The following ACSL3 variants were observed in gnomAD, a reference collection of about 807,000 sequenced individuals.
The protein encoded by ACSL3 is acyl-CoA synthetase long chain family member 3.
ACSL3 carries 34 observed loss-of-function variants against 84.7 expected under a neutral mutation model. The observed-to-expected ratio is 0.40, with a 90% CI of 0.31 to 0.53. The LOEUF is 0.53. ACSL3 is among the 20% of genes least tolerant of loss of function. ACSL3 has a pLI of 0.48. For synonymous variants in ACSL3, 315 were observed against 299.4 expected (o/e 1.05, Z -0.54); for missense variants, 680 against 873.1 (o/e 0.78, Z 2.79).
intron 1 of ACSL3, among the ~76,000 whole-genome samples, chr2:222,871,290 G>A (rs1695296866): frequency 6.6e-6 from 1 of 152,142 alleles, no homozygotes; most frequent in African/African-American, 2.4e-5. Context: ...GGAGAATTCA[G>A]TTAAAAAAAT....
intron 8 of ACSL3, among the ~76,000 whole-genome samples, chr2:222,922,114 G>T (rs1012306531): frequency 2.0e-5 from 3 of 152,110 alleles, no homozygotes; most frequent in African/African-American, 7.2e-5. Flanking sequence ...TTACAGGTTT[G>T]CCTCAGTTAC....
At chr2:222,871,064 C>A (rs576116279) in intron 1 of ACSL3, among the ~76,000 whole-genome samples, 1 of 152,032 alleles carries the variant, frequency 6.6e-6, no homozygotes, top group African/African-American at 2.4e-5. Context: ...AGGACCTGAA[C>A]TGATAAAGTA....
rs1697124637 is a variant in ACSL3 at position 222,934,601 on chromosome 2, G to A, written c.1919G>A (p.Gly640Glu). 1 of 1,606,710 alleles carries A rather than the reference G, an allele frequency of 6.2e-7. No homozygotes were observed. ...CTAACTGAACTAGCTCGAAAGAAAG[G>A]ACTTAAAGGGACTTGGGAGGAGCTG... ...KELTELARKK[G>E]LKGTWEELCN... is the part of the protein sequence containing the mutation. The change falls in exon 16 of 17, where the codon GGA becomes GAA. Residue 640 changes from glycine to glutamate, a missense_variant. Around this residue, in one of 2 missense-constraint regions of ACSL3, gnomAD observed 347 missense variants for 525.7 expected, o/e 0.66. Transcript: ENST00000357430.
intron 4 of ACSL3, among the ~76,000 whole-genome samples, chr2:222,913,053 G>C (rs1235732621): frequency 6.6e-6 from 1 of 152,106 alleles, no homozygotes; most frequent in Admixed American, 6.5e-5. Context: ...AATAGAAACA[G>C]AAAAGAGTAC....
At chr2:222,907,435 A>G (rs1696321644) in intron 3 of ACSL3, among the ~76,000 whole-genome samples, 1 of 152,148 alleles carries the variant, frequency 6.6e-6, no homozygotes, top group African/African-American at 2.4e-5. Flanking sequence ...GGGTAGGGTT[A>G]ACTAGTTACT....
intron 12 of ACSL3, among the ~76,000 whole-genome samples, chr2:222,928,290 A>G (rs1696934802): frequency 6.6e-6 from 1 of 152,232 alleles, no homozygotes; most frequent in South Asian, 2.1e-4. Context: ...GGAAGCCTGC[A>G]GAGATCTCAC....
intron 4 of ACSL3, among the ~76,000 whole-genome samples, chr2:222,912,638 ATGAACTT>A (rs1217494678): frequency 1.3e-5 from 2 of 152,200 alleles, no homozygotes; most frequent in Non-Finnish European, 2.9e-5. Context: ...TTTCAAATTA[ATGAACTT>A]TGAAGCTTTG....
At chr2:222,918,859 G>GA (rs1441360904) in intron 6 of ACSL3, among the ~76,000 whole-genome samples, 1 of 151,820 alleles carries the variant, frequency 6.6e-6, no homozygotes, top group East Asian at 1.9e-4. Flanking sequence ...TACACACAGT[G>GA]AATCTAATGC....
intron 2 of ACSL3, among the ~76,000 whole-genome samples, chr2:222,896,882 A>C (rs1362186233): frequency 1.1e-4 from 1 of 9,462 alleles, no homozygotes. Flanking sequence ...GGGGGCCGAC[A>C]TCCCCACCTC....
At chr2:222,920,886 A>G (rs1424100024) in intron 7 of ACSL3, 16 of 441,000 alleles carry the variant, frequency 3.6e-5, no homozygotes, top group South Asian at 1.7e-4. Context: ...GGGTCTTTGC[A>G]TTTGCTTATT....
At chr2:222,935,407 T>G (rs1235785413) in intron 16 of ACSL3, among the ~76,000 whole-genome samples, 4 of 152,134 alleles carry the variant, frequency 2.6e-5, no homozygotes, top group African/African-American at 4.8e-5. Context: ...GAGGCCTCAC[T>G]ATGTTGGCCA....
At chr2:222,887,701 G>C (rs1321233871) in intron 1 of ACSL3, 129 bp from the exon 2 acceptor site, 2 of 152,166 alleles carry the variant, frequency 1.3e-5, no homozygotes, top group Admixed American at 1.3e-4. Flanking sequence ...GGTGTTTCCA[G>C]AAAAACTCAC....
intron 1 of ACSL3, among the ~76,000 whole-genome samples, chr2:222,866,055 G>C (rs886377682): frequency 2.0e-5 from 3 of 152,132 alleles, no homozygotes; most frequent in Non-Finnish European, 2.9e-5. Flanking sequence ...TTTTCTAAAT[G>C]AATGGTCTTT....
intron 9 of ACSL3, 30 bp downstream of exon 9, chr2:222,922,861 T>TA: frequency 6.2e-7 from 1 of 1,611,882 alleles, no homozygotes; most frequent in Non-Finnish European, 8.5e-7. Flanking sequence ...CTTGAAATAC[T>TA]AAAAAATCAT....
At chr2:222,925,934 AT>A (rs1008604452) in intron 11 of ACSL3, among the ~76,000 whole-genome samples, 8 of 152,204 alleles carry the variant, frequency 5.3e-5, no homozygotes, top group African/African-American at 1.2e-4. Context: ...CATTCAAAGT[AT>A]TTTTTATGGT....
rs776996984 is a variant in ACSL3, at chr2:222,923,039, AGGATCACTTTATAT to A, written c.1081-28_1081-15del. On this transcript the variant is annotated intron_variant, in intron 9 of 16. Coordinates refer to ENST00000357430, the MANE Select transcript of ACSL3 (RefSeq NM_004457.5). ...AGAATACCATTGAATTTTAAAAATAAGGATCACTTTATATGGATCACTTTTTCTTATTTTGTAGT... is the reference window on the plus strand; with the variant it reads ...AGAATACCATTGAATTTTAAAAATAAGGATCACTTTTTCTTATTTTGTAGT... 30 of 1,512,360 alleles carry A rather than the reference AGGATCACTTTATAT, an allele frequency of 2.0e-5. No individual in the cohort carries two copies. The East Asian group carries it at 6.6e-4, about 33-fold the overall frequency. 93.7% of individuals were successfully genotyped at this position (1,512,360 alleles called of 1,614,324 possible). A position where few individuals can be genotyped will look rare whatever the true frequency, so the allele number is the denominator to read the frequency against.
In ACSL3 at chr2:222,934,650, T is replaced by C; in HGVS notation, c.1968T>C (p.Asn656=). The change falls in exon 16 of 17, where the codon AAT becomes AAC. Residue 656 remains asparagine, a synonymous_variant. Transcript: ENST00000357430. ...EELCNSCEME[N]EVLKVLSEAA... ...TGTGTAACAGTTGTGAAATGGAAAA[T>C]GAGGTACTTAAAGTGCTTTCCGAAG... The C allele has an allele frequency of 6.2e-7, 1 of 1,608,462 alleles. No homozygotes were observed. The highest frequency in any genetic ancestry group is 8.5e-7 in the Non-Finnish European group (1 of 1,178,148).
chr2:222,905,807 TC>T (rs1696277432), intron 3 of ACSL3, among the ~76,000 whole-genome samples: 3 of 152,240 alleles, frequency 2.0e-5, no homozygotes, highest in Admixed American at 2.0e-4. Context: ...TTGGAGGTGT[TC>T]CTTAACTTGT....
chr2:222,870,388 T>C (rs1392350557), intron 1 of ACSL3, among the ~76,000 whole-genome samples: 1 of 152,222 alleles, frequency 6.6e-6, no homozygotes, highest in African/African-American at 2.4e-5. Context: ...ATGGAAACCA[T>C]CTCAGAGGCA....
Sources: allele counts gnomAD v4.1 joint callset (sites outside exome capture counted in the v4.1 genomes callset), GRCh38; gene constraint gnomAD v4.1.1; regional missense constraint gnomAD v4.1.1; transcripts MANE v1.5; gene names NCBI Gene and HGNC (gene_info 2026-07-23, HGNC 2026-07-21).